The following GMDS variants were observed in gnomAD, a reference collection of about 807,000 sequenced individuals.
The protein encoded by GMDS is GDP-mannose 4,6 dehydratase.
GMDS carries 20 observed loss-of-function variants against 49.9 expected under a neutral mutation model. The observed-to-expected ratio is 0.40, with a 90% CI of 0.28 to 0.58. The LOEUF is 0.58. Ranked by LOEUF, GMDS falls within the 20% of genes least tolerant of loss-of-function variation. The probability of loss-of-function intolerance (pLI) is 0.42; values close to 1 mark genes in which losing one functional copy is unlikely to be tolerated. For missense variants in GMDS, 362 were observed against 481.4 expected (o/e 0.75, Z 2.32); for synonymous variants, 177 against 178.6 (o/e 0.99, Z 0.07).
intron 4 of GMDS, among the ~76,000 whole-genome samples, chr6:1,977,274 A>C (rs1257104018): frequency 1.3e-5 from 2 of 152,244 alleles, no homozygotes; most frequent in Non-Finnish European, 2.9e-5. Context: ...CAATTAACTA[A>C]AAATCCATAT....
At chr6:2,101,171 G>T (rs1229873012) in intron 4 of GMDS, among the ~76,000 whole-genome samples, 3 of 151,508 alleles carry the variant, frequency 2.0e-5, no homozygotes, top group Non-Finnish European at 4.4e-5. Context: ...TACTGGCTAG[G>T]AACTAAAAAT....
chr6:2,039,224 A>G lies in GMDS; in HGVS notation c.345+76547T>C, dbSNP rs144557724. Among the ~76,000 whole-genome samples, 13 of 152,348 alleles carry G rather than the reference A, an allele frequency of 8.5e-5. No individual in the cohort carries two copies. The East Asian group carries it at 2.5e-3, about 29-fold the overall frequency. Reference sequence around the variant, plus strand: ...AAGAGATGAAAAATGGTACATCCGTATAAGGTACTTCCCATGAATGGAGCT... The same window carrying G: ...AAGAGATGAAAAATGGTACATCCGTGTAAGGTACTTCCCATGAATGGAGCT... On this transcript the variant is annotated intron_variant, in intron 4 of 10. Transcript: ENST00000380815.
chr6:1,782,827 T>C (rs1434646417), intron 7 of GMDS, among the ~76,000 whole-genome samples: 2 of 152,196 alleles, frequency 1.3e-5, no homozygotes, highest in Non-Finnish European at 2.9e-5. Flanking sequence ...AGAATAACGT[T>C]GTAAAGGAGG....
chr6:1,703,241 C>G (rs1765607957), intron 9 of GMDS, among the ~76,000 whole-genome samples: 1 of 152,116 alleles, frequency 6.6e-6, no homozygotes, highest in Admixed American at 6.5e-5. Flanking sequence ...TGTTCTCTCT[C>G]TCTGCCTCCT....
rs150394211 is a variant in GMDS, at chr6:1,980,881, C to T, written c.346-19915G>A. ...CAAATTAGAACTCAAGACTAATAAA[C>T]TCACTCAAAACTACACAACTATTAA... On this transcript the variant is annotated intron_variant, in intron 4 of 10. Transcript: ENST00000380815. Among the ~76,000 whole-genome samples the T allele has an allele frequency of 3.8e-3, 573 of 152,238 alleles. 1 individual carries two copies. In the Middle Eastern group the frequency reaches 0.048, roughly 13 times the overall value.
intron 1 of GMDS, among the ~76,000 whole-genome samples, chr6:2,200,578 T>A (rs1779471991): frequency 7.2e-6 from 1 of 139,724 alleles, no homozygotes; most frequent in South Asian, 2.4e-4. Context: ...CACATGGACA[T>A]CCGAGATGTA....
chr6:1,705,279 T>C (rs1561743510), intron 9 of GMDS, among the ~76,000 whole-genome samples: 1 of 152,232 alleles, frequency 6.6e-6, no homozygotes, highest in Non-Finnish European at 1.5e-5. Flanking sequence ...GGAGTTGAGA[T>C]GTTTTGGCTC....
intron 1 of GMDS, among the ~76,000 whole-genome samples, chr6:2,193,756 G>A (rs200750397): frequency 7.9e-6 from 1 of 126,918 alleles, no homozygotes; most frequent in Admixed American, 9.4e-5. Context: ...ATGGAGTCTC[G>A]CTCTGTTGCC....
intron 1 of GMDS, among the ~76,000 whole-genome samples, chr6:2,134,811 A>C (rs1278346260): frequency 6.6e-6 from 1 of 152,212 alleles, no homozygotes; most frequent in East Asian, 1.9e-4. Flanking sequence ...AGTTTGCCTT[A>C]TACTATAACA....
intron 2 of GMDS, among the ~76,000 whole-genome samples, chr6:2,124,399 T>C (rs147685014): frequency 1.3e-5 from 2 of 152,338 alleles, no homozygotes; most frequent in African/African-American, 2.4e-5. Flanking sequence ...ACCCGAATCA[T>C]GTTACAGCTT....
At chr6:1,980,059 A>C (rs903562687) in intron 4 of GMDS, among the ~76,000 whole-genome samples, 1 of 152,218 alleles carries the variant, frequency 6.6e-6, no homozygotes, top group Non-Finnish European at 1.5e-5. Flanking sequence ...CTAAATATGA[A>C]AAGGAAAACC....
At chr6:2,069,847 G>A (rs1233049762) in intron 4 of GMDS, among the ~76,000 whole-genome samples, 2 of 152,122 alleles carry the variant, frequency 1.3e-5, no homozygotes, top group South Asian at 2.1e-4. Flanking sequence ...AACCATTGTG[G>A]AAGTCAGTGT....
At chr6:2,011,423 C>T (rs1262780756) in intron 4 of GMDS, among the ~76,000 whole-genome samples, 1 of 152,146 alleles carries the variant, frequency 6.6e-6, no homozygotes, top group Admixed American at 6.5e-5. Flanking sequence ...AACTATCATT[C>T]GATCTAGCAA....
chr6:2,234,474 T>C (rs1362986470), intron 1 of GMDS, among the ~76,000 whole-genome samples: 2 of 151,970 alleles, frequency 1.3e-5, no homozygotes, highest in African/African-American at 2.4e-5. Context: ...CTGGGCATGG[T>C]AGCGGGTGCC....
At position 1,960,941 on chromosome 6, in the gene GMDS, G is replaced by C; in HGVS notation, c.371C>G (p.Thr124Ser). Reference sequence around the variant, plus strand: ...AGTGCCAACTCCGTCAACGTCCGCAGTGTACTCAGCGAGGTCAAAGGAAAT... The same window carrying C: ...AGTGCCAACTCCGTCAACGTCCGCACTGTACTCAGCGAGGTCAAAGGAAAT... ...VKISFDLAEY[T>S]ADVDGVGTLR... Residue 124 changes from threonine to serine, a missense_variant, in exon 5 of 11, where the codon ACT becomes AGT. Thr to Ser is a moderately conservative substitution (Grantham distance 58). Transcript: ENST00000380815. 4 of 1,574,518 alleles carry C rather than the reference G, an allele frequency of 2.5e-6. No homozygotes were observed. Among genetic ancestry groups the C allele is most frequent in the Non-Finnish European group, 3.5e-6 (4 of 1,150,508 alleles).
At chr6:2,145,706 T>G (rs1044029697) in intron 1 of GMDS, among the ~76,000 whole-genome samples, 1 of 152,190 alleles carries the variant, frequency 6.6e-6, no homozygotes, top group Non-Finnish European at 1.5e-5. Context: ...TAACAACTAT[T>G]TATACAGTGT....
chr6:2,084,700 G>T (rs1161851657), intron 4 of GMDS, among the ~76,000 whole-genome samples: 1 of 151,974 alleles, frequency 6.6e-6, no homozygotes, highest in African/African-American at 2.4e-5. Flanking sequence ...ATAGAGATGG[G>T]GTTTCACCGT....
chr6:1,960,623 C>T lies in GMDS; in HGVS notation c.538+151G>A, dbSNP rs115191659. ...CAACGTATAAAGGTATGCTTCTCAA[C>T]AAGTTCAGTCACTTTAGTCTACCTT... On this transcript the variant is annotated intron_variant, in intron 5 of 10. Coordinates refer to ENST00000380815, the MANE Select transcript of GMDS (RefSeq NM_001500.4). The T allele has an allele frequency of 7.1e-3, 3,574 of 506,934 alleles. 16 individuals are homozygous for T. Among genetic ancestry groups the T allele is most frequent in the Non-Finnish European group, 9.5e-3 (2,720 of 284,924 alleles). 31.4% of individuals were successfully genotyped at this position (506,934 alleles called of 1,614,324 possible).
intron 1 of GMDS, among the ~76,000 whole-genome samples, chr6:2,171,007 A>G (rs1012377232): frequency 2.6e-5 from 4 of 152,202 alleles, no homozygotes; most frequent in Admixed American, 2.6e-4. Flanking sequence ...AAAGAAAAAA[A>G]AAATACTCTA....
Sources: gnomAD v4.1 joint callset for allele counts (sites outside exome capture counted in the v4.1 genomes callset) on GRCh38, gnomAD v4.1.1 for gene constraint, MANE v1.5 for transcripts, NCBI Gene and HGNC (gene_info 2026-07-23, HGNC 2026-07-21) for gene names.